Variants in ABR observed in about 807,000 individuals in gnomAD.
The protein encoded by ABR is ABR activator of RhoGEF and GTPase, also known as active breakpoint cluster region-related protein.
Under a neutral mutation model 107.2 loss-of-function variants are expected in ABR, and 35 were observed. The observed-to-expected ratio is 0.33, with a 90% CI of 0.25 to 0.43. The LOEUF (loss-of-function observed/expected upper bound fraction) is 0.43. Among genes scored for constraint, ABR ranks in the 20% least tolerant of loss-of-function variants. The pLI is 1.00. For missense variants in ABR, 815 were observed against 1,115.2 expected (o/e 0.73, Z 3.83); for synonymous variants, 498 against 462.0 (o/e 1.08, Z -1.00).
intron 1 of ABR, among the ~76,000 whole-genome samples, chr17:1,158,806 C>G (rs1432380163): frequency 6.6e-6 from 1 of 152,060 alleles, no homozygotes; most frequent in Non-Finnish European, 1.5e-5. Flanking sequence ...TAGTCCAACC[C>G]TTACATTTCA....
At chr17:1,121,871 C>T (rs2039371493) in intron 2 of ABR, among the ~76,000 whole-genome samples, 1 of 152,214 alleles carries the variant, frequency 6.6e-6, no homozygotes, top group African/African-American at 2.4e-5. Context: ...GGTATGAGGA[C>T]ACTTGCCCAA....
At chr17:1,176,352 C>T (rs2041918634) in intron 1 of ABR, among the ~76,000 whole-genome samples, 1 of 152,244 alleles carries the variant, frequency 6.6e-6, no homozygotes, top group African/African-American at 2.4e-5. Flanking sequence ...CATTCCGTGA[C>T]ATCCCAAGAC....
chr17:1,072,363 CGTGT>C (rs1330414790), intron 8 of ABR, among the ~76,000 whole-genome samples: 1 of 151,828 alleles, frequency 6.6e-6, no homozygotes, highest in South Asian at 2.1e-4. Flanking sequence ...CGGTGCCGCC[CGTGT>C]GTGAGAGAAG....
chr17:1,141,955 A>G (rs1169252747), intron 1 of ABR, among the ~76,000 whole-genome samples: 2 of 151,906 alleles, frequency 1.3e-5, no homozygotes, highest in African/African-American at 2.4e-5. Flanking sequence ...GTAGGGTTTC[A>G]CCATGTTAGC....
upstream of ABR, among the ~76,000 whole-genome samples, chr17:1,191,257 TTCCCGCCAGCC>T (rs1383740511): frequency 1.3e-5 from 2 of 151,960 alleles, no homozygotes; most frequent in Admixed American, 6.6e-5. Flanking sequence ...GTCTGCCAGC[TTCCCGCCAGCC>T]TCCCGCCAAG....
At chr17:1,012,918 C>T in intron 17 of ABR, 121 bp from the exon 18 acceptor site, 1 of 1,078,132 alleles carries the variant, frequency 9.3e-7, no homozygotes, top group Non-Finnish European at 1.4e-6. Flanking sequence ...CCCAGGTCTC[C>T]CTCAACACAA....
intron 2 of ABR, chr17:1,109,160 GGC>G: frequency 9.0e-7 from 1 of 1,106,266 alleles, no homozygotes. Flanking sequence ...CGGGAGGGGG[GGC>G]AGGTCTACAC....
rs1407770240 is a variant in ABR, at chr17:1,050,621, G to A, written c.1575C>T (p.Thr525=). 6.2e-7 allele frequency: 1 copy of A among 1,613,916 alleles called. No homozygotes were observed. Among genetic ancestry groups the A allele is most frequent in the Non-Finnish European group, 8.5e-7 (1 of 1,179,940 alleles). ...GFKQSANLYC[T]LEVDSFGYFV... is the part of the protein sequence containing the mutation. ...AATAGCCGAAGGAATCCACCTCCAG[G>A]GTACAGTACAGGTCTGTGGGGGAAG... The change falls in exon 15 of 23, where the codon ACC becomes ACT. Residue 525 remains threonine (T), a synonymous_variant. Coordinates refer to ENST00000302538, the MANE Select transcript of ABR (RefSeq NM_021962.5). This position sits in a 1 kb window ranked among gnomAD's most constrained non-coding sequence, Gnocchi z 4.6.
At chr17:1,202,942 A>G (rs956983637) in intron 1 of ABR, among the ~76,000 whole-genome samples, 3 of 149,658 alleles carry the variant, frequency 2.0e-5, no homozygotes, top group African/African-American at 7.4e-5. Context: ...GCTACAGTAC[A>G]GTGGTGTGAT....
chr17:1,183,230 A>C (rs2042189542), upstream of ABR, among the ~76,000 whole-genome samples: 1 of 151,982 alleles, frequency 6.6e-6, no homozygotes. Context: ...CTGAACCCCC[A>C]TCTATCACGC....
In ABR at chr17:1,125,241, C is replaced by T. The variant is rs776186481; in HGVS notation, c.188G>A (p.Arg63His). 4.3e-6 allele frequency: 7 copies of T among 1,611,116 alleles called. No individual in the cohort carries two copies. Among genetic ancestry groups the T allele is most frequent in the Middle Eastern group, 1.6e-4 (1 of 6,068 alleles). Residue 63 changes from arginine (R) to histidine (H), a missense_variant, in exon 2 of 23, where the codon CGC (arginine) becomes CAC (histidine). Arg to His is a conservative substitution (Grantham distance 29, BLOSUM62 0). This residue lies in a region of ABR where 129 missense variants were observed against 124.8 expected (regional missense o/e 1.03). Transcript: ENST00000302538. ...GACGCCATCCCCCCCGCCCTGGCTG[C>T]GGGCGCTGAGCTGCGGGGACATGGT... Reference protein sequence around the residue: ...SPTMSPQLSARSQGGGDGVSP... With the variant: ...SPTMSPQLSAHSQGGGDGVSP...
chr17:1,048,964 C>T (rs967410722), intron 16 of ABR, among the ~76,000 whole-genome samples: 2 of 152,172 alleles, frequency 1.3e-5, no homozygotes, highest in South Asian at 2.1e-4. Flanking sequence ...CGGCACAGCA[C>T]GAGGCCACAC....
At position 1,010,192 on chromosome 17, in the gene ABR, G is replaced by T. The variant is rs955239673; in HGVS notation, c.2237-408C>A. On this transcript the variant is annotated intron_variant, in intron 20 of 22. Transcript: ENST00000302538. The surrounding 1 kb of genome is among the most constrained non-coding windows in gnomAD (Gnocchi z 4.1). ...GGAGCGTGGGTGCAAGCAGCCTTCC[G>T]TGGGGGCTGAAGCTCCAGTCTGCCC... is the stretch of plus-strand genomic sequence containing the variant. 1 of 245,158 alleles carries T rather than the reference G, an allele frequency of 4.1e-6. No individual in the cohort carries two copies. The highest frequency in any genetic ancestry group is 8.6e-5 in the East Asian group (1 of 11,562). The allele number at this position is 245,158 out of a possible 1,614,324, so 15.2% of individuals were successfully genotyped here.
intron 16 of ABR, among the ~76,000 whole-genome samples, chr17:1,014,851 AAAC>A (rs983616440): frequency 2.5e-4 from 38 of 152,224 alleles, no homozygotes; most frequent in African/African-American, 7.0e-4. Context: ...GTCTCAAAAA[AAAC>A]AACAACAACA....
chr17:1,146,901 A>G (rs1046115238), intron 1 of ABR, among the ~76,000 whole-genome samples: 10 of 104,500 alleles, frequency 9.6e-5, no homozygotes, highest in African/African-American at 3.3e-4. Flanking sequence ...CGCCACTGCC[A>G]CCACTGCCAC....
At chr17:1,191,359 T>TC, upstream of ABR, among the ~76,000 whole-genome samples, 1 of 139,314 alleles carries the variant, frequency 7.2e-6, no homozygotes, top group Admixed American at 7.1e-5. Flanking sequence ...CTTTTCTTTT[T>TC]TTTTTTTTTT....
chr17:1,033,969 A>ATTTT (rs560978094), intron 16 of ABR, among the ~76,000 whole-genome samples: 7 of 124,594 alleles, frequency 5.6e-5, no homozygotes, highest in African/African-American at 2.2e-4. Context: ...CACTCATGTC[A>ATTTT]TTTTTTTTTT....
chr17:1,100,916 C>T (rs558202273), intron 2 of ABR, 181 bp from the exon 3 acceptor site: 37 of 612,580 alleles, frequency 6.0e-5, no homozygotes, highest in Non-Finnish European at 8.7e-5. Flanking sequence ...CTCCGCCTCC[C>T]GGGTTCCAGT....
At position 1,010,601 on chromosome 17, in the gene ABR, C is replaced by T; in HGVS notation, c.2236+128G>A. On this transcript the variant is annotated intron_variant, in intron 20 of 22. Transcript: ENST00000302538. This position sits in a 1 kb window ranked among gnomAD's most constrained non-coding sequence, Gnocchi z 4.1. ...CACCCTCGGACCCCTCAGCCACAGG[C>T]CCCAGTGCACTGGGAAGGTCAGCCA... 2 of 1,294,968 alleles carry T rather than the reference C, an allele frequency of 1.5e-6. No homozygotes were observed. The highest frequency in any genetic ancestry group is 1.4e-5 in the South Asian group (1 of 72,280). The allele number at this position is 1,294,968 out of a possible 1,614,324, so 80.2% of individuals were successfully genotyped here.
Sources: allele counts gnomAD v4.1 joint callset (sites outside exome capture counted in the v4.1 genomes callset), GRCh38; gene constraint gnomAD v4.1.1; regional missense constraint gnomAD v4.1.1; non-coding constraint Gnocchi (gnomAD v3.1); transcripts MANE v1.5; gene names NCBI Gene and HGNC (gene_info 2026-07-23, HGNC 2026-07-21).